Variants in DTD1 observed in about 807,000 individuals in gnomAD.
The protein encoded by DTD1 is D-aminoacyl-tRNA deacylase 1, also known as D-tyrosyl-tRNA deacylase 1 homolog.
DTD1 carries 13 observed loss-of-function variants against 25.6 expected under a neutral mutation model. That is an observed-to-expected ratio of 0.51 (90% CI 0.33 to 0.81). The LOEUF (loss-of-function observed/expected upper bound fraction) is 0.81, where lower values mean the gene tolerates loss of function less well. Among genes scored for constraint, DTD1 ranks in the 30% least tolerant of loss-of-function variants. The pLI, the probability that DTD1 is intolerant of heterozygous loss-of-function variation, is 0.02. For synonymous variants in DTD1, 110 were observed against 103.6 expected, an observed-to-expected ratio of 1.06 and a Z score of -0.37; for missense variants, 193 against 266.4, an observed-to-expected ratio of 0.72 and a Z score of 1.92.
intron 4 of DTD1, among the ~76,000 whole-genome samples, chr20:18,648,384 G>T (rs6045534): frequency 6.6e-6 from 1 of 151,964 alleles, no homozygotes; most frequent in African/African-American, 2.4e-5. Context: ...AGATGGTTGC[G>T]TCTGCAGCTG....
intron 4 of DTD1, among the ~76,000 whole-genome samples, chr20:18,712,110 C>G (rs1230816347): frequency 6.6e-6 from 1 of 151,528 alleles, no homozygotes; most frequent in Non-Finnish European, 1.5e-5. Flanking sequence ...ACAAATATTT[C>G]TTCATCAACT....
intron 4 of DTD1, among the ~76,000 whole-genome samples, chr20:18,727,522 G>A (rs2061226581): frequency 6.6e-6 from 1 of 152,174 alleles, no homozygotes; most frequent in South Asian, 2.1e-4. Context: ...AAGGGATCTG[G>A]GTGGGGAGAG....
chr20:18,608,695 C>T (rs549837989), intron 3 of DTD1, among the ~76,000 whole-genome samples: 2 of 152,308 alleles, frequency 1.3e-5, no homozygotes, highest in South Asian at 4.1e-4. Context: ...TTCAGGTGCC[C>T]AATGGCCGTG....
chr20:18,715,122 C>T (rs1357727218), intron 4 of DTD1, among the ~76,000 whole-genome samples: 1 of 152,162 alleles, frequency 6.6e-6, no homozygotes, highest in Non-Finnish European at 1.5e-5. Flanking sequence ...CATTGGTCCA[C>T]CCCGAGTGGG....
At chr20:18,613,777 A>G (rs2060697900) in intron 3 of DTD1, among the ~76,000 whole-genome samples, 1 of 152,162 alleles carries the variant, frequency 6.6e-6, no homozygotes, top group South Asian at 2.1e-4. Flanking sequence ...GTGCTTGGGC[A>G]TGATTTTGTC....
At chr20:18,657,645 A>C (rs2060895616) in intron 4 of DTD1, among the ~76,000 whole-genome samples, 2 of 152,260 alleles carry the variant, frequency 1.3e-5, no homozygotes, top group African/African-American at 4.8e-5. Context: ...AATCTTAGAA[A>C]GAAATACAGA....
At chr20:18,732,267 A>T (rs939747128) in intron 4 of DTD1, among the ~76,000 whole-genome samples, 1 of 152,236 alleles carries the variant, frequency 6.6e-6, no homozygotes, top group Non-Finnish European at 1.5e-5. Context: ...ATGCTCATGA[A>T]CAGTGTTCTG....
intron 4 of DTD1, chr20:18,675,528 A>G (rs2060966991): frequency 6.6e-6 from 1 of 151,976 alleles, no homozygotes. Flanking sequence ...CCTGGGCATA[A>G]TAGAGGAAAG....
At chr20:18,612,366 CA>C (rs1005181818) in intron 3 of DTD1, among the ~76,000 whole-genome samples, 1 of 152,246 alleles carries the variant, frequency 6.6e-6, no homozygotes, top group African/African-American at 2.4e-5. Flanking sequence ...TAGTTAATAA[CA>C]TGCCAAAATA....
intron 4 of DTD1, among the ~76,000 whole-genome samples, chr20:18,668,637 GC>G (rs1195256489): frequency 6.6e-6 from 1 of 152,118 alleles, no homozygotes; most frequent in Admixed American, 6.6e-5. Context: ...TAGAGACTGA[GC>G]CCCCGAGTCA....
At chr20:18,638,099 A>T (rs917674292) in intron 4 of DTD1, among the ~76,000 whole-genome samples, 1 of 152,196 alleles carries the variant, frequency 6.6e-6, no homozygotes, top group Non-Finnish European at 1.5e-5. Flanking sequence ...TAAAAAGCTC[A>T]TGCTCATTTG....
chr20:18,740,286 G>T (rs2061272246), intron 4 of DTD1, among the ~76,000 whole-genome samples: 1 of 151,830 alleles, frequency 6.6e-6, no homozygotes, highest in African/African-American at 2.4e-5. Flanking sequence ...ATTTAATTTT[G>T]TGACTGTTGA....
At chr20:18,676,767 G>T (rs1216653818) in intron 4 of DTD1, among the ~76,000 whole-genome samples, 2 of 152,160 alleles carry the variant, frequency 1.3e-5, no homozygotes, top group African/African-American at 4.8e-5. Context: ...TCTGTTCTCA[G>T]CTCTGCCGCT....
intron 4 of DTD1, among the ~76,000 whole-genome samples, chr20:18,660,613 G>A (rs1466309407): frequency 6.6e-6 from 1 of 152,130 alleles, no homozygotes; most frequent in African/African-American, 2.4e-5. Flanking sequence ...AAATTATTTA[G>A]TATAAAGAGA....
intron 3 of DTD1, among the ~76,000 whole-genome samples, chr20:18,598,439 C>T (rs1275460357): frequency 4.6e-5 from 7 of 152,122 alleles, no homozygotes; most frequent in African/African-American, 1.4e-4. Context: ...AATAAACATA[C>T]GTGTGCATGT....
In DTD1 at chr20:18,744,381, T is replaced by C. The variant is rs1220137428; in HGVS notation, c.*19+110T>C. The C allele has an allele frequency of 1.2e-5, 14 of 1,193,774 alleles. No homozygotes were observed. In the East Asian group the frequency reaches 3.1e-4, roughly 26 times the overall value. 73.9% of individuals were successfully genotyped at this position (1,193,774 alleles called of 1,614,324 possible). A position where few individuals can be genotyped will look rare whatever the true frequency, so the allele number is the denominator to read the frequency against. ...TCATTCATTTCACAGCGTTCATCCATAGCTTCCTTAAATCTGCTGCCTTCC... is the reference window on the plus strand; with the variant it reads ...TCATTCATTTCACAGCGTTCATCCACAGCTTCCTTAAATCTGCTGCCTTCC... On this transcript the variant is annotated intron_variant, in intron 5 of 5. Transcript: ENST00000377452.
chr20:18,593,899 T>G, intron 2 of DTD1, 78 bp downstream of exon 2: 1 of 1,148,564 alleles, frequency 8.7e-7, no homozygotes, highest in Non-Finnish European at 1.3e-6. Flanking sequence ...TAGTACTTTG[T>G]GCCTGTGAGG....
chr20:18,683,630 A>C (rs897279628), intron 4 of DTD1, among the ~76,000 whole-genome samples: 3 of 152,140 alleles, frequency 2.0e-5, no homozygotes, highest in African/African-American at 7.2e-5. Flanking sequence ...CTGAGTGTGG[A>C]TCATAGGGCC....
intron 4 of DTD1, among the ~76,000 whole-genome samples, chr20:18,647,575 G>A (rs1399964223): frequency 7.9e-5 from 12 of 152,150 alleles, no homozygotes; most frequent in African/African-American, 2.2e-4. Flanking sequence ...ATCAGGACAC[G>A]AGCATGGAGG....
Sources: gnomAD v4.1 joint callset for allele counts (sites outside exome capture counted in the v4.1 genomes callset) on GRCh38, gnomAD v4.1.1 for gene constraint, MANE v1.5 for transcripts, NCBI Gene and HGNC (gene_info 2026-07-23, HGNC 2026-07-21) for gene names.